The following CLVS1 variants were observed in gnomAD, a reference collection of about 807,000 sequenced individuals.
The protein encoded by CLVS1 is clavesin-1.
In CLVS1, 10 loss-of-function variants were observed where a neutral mutation model predicts 33.1. The ratio of observed to expected loss-of-function variants is 0.30; its 90% CI spans 0.19 to 0.51. The LOEUF is 0.51. Ranked by LOEUF, CLVS1 falls within the 20% of genes least tolerant of loss-of-function variation. The pLI is 0.97. For missense variants in CLVS1, 343 were observed against 433.4 expected, an observed-to-expected ratio of 0.79 and a Z score of 1.85; for synonymous variants, 163 against 166.1, an observed-to-expected ratio of 0.98 and a Z score of 0.14.
At chr8:61,208,688 A>G (rs982814584) in intron 2 of CLVS1, among the ~76,000 whole-genome samples, 11 of 152,094 alleles carry the variant, frequency 7.2e-5, no homozygotes, top group Admixed American at 7.2e-4. Flanking sequence ...TCCAGGTTCA[A>G]GTGATTCTAC....
intron 3 of CLVS1, among the ~76,000 whole-genome samples, chr8:61,392,080 A>C (rs1400621466): frequency 1.3e-5 from 2 of 152,190 alleles, no homozygotes; most frequent in Non-Finnish European, 2.9e-5. Context: ...ATACATAGGG[A>C]AAATAATCAA....
intron 2 of CLVS1, among the ~76,000 whole-genome samples, chr8:61,246,557 T>C (rs1026794415): frequency 1.3e-5 from 2 of 152,172 alleles, no homozygotes; most frequent in Admixed American, 1.3e-4. Context: ...GCATACTCAA[T>C]AATTACTTAG....
chr8:60,989,012 G>A, the CLVS1 span, among the ~76,000 whole-genome samples: 131 of 152,202 alleles, frequency 8.6e-4, no homozygotes, highest in African/African-American at 3.0e-3. Flanking sequence ...CTACAGGTGT[G>A]GGCCACCATG....
At chr8:61,126,854 A>G (rs1805982303) in intron 1 of CLVS1, among the ~76,000 whole-genome samples, 1 of 152,200 alleles carries the variant, frequency 6.6e-6, no homozygotes, top group Admixed American at 6.5e-5. Context: ...CAAATCTTGG[A>G]TTGACATGAT....
At chr8:61,168,051 T>C (rs932511137) in intron 2 of CLVS1, among the ~76,000 whole-genome samples, 5 of 152,228 alleles carry the variant, frequency 3.3e-5, no homozygotes, top group African/African-American at 4.8e-5. Flanking sequence ...CCTTACTCTA[T>C]GGACTCACCC....
chr8:61,383,970 G>A (rs1813984650), intron 3 of CLVS1, among the ~76,000 whole-genome samples: 1 of 152,104 alleles, frequency 6.6e-6, no homozygotes, highest in African/African-American at 2.4e-5. Context: ...TAAAATATTT[G>A]GAAAAAGAGA....
intron 3 of CLVS1, among the ~76,000 whole-genome samples, chr8:61,385,811 G>T (rs576251656): frequency 6.6e-6 from 1 of 152,102 alleles, no homozygotes; most frequent in Non-Finnish European, 1.5e-5. Context: ...AGGAGTGAGG[G>T]GATTGAGGGG....
intron 1 of CLVS1, among the ~76,000 whole-genome samples, chr8:61,078,473 C>G (rs1804964610): frequency 6.6e-6 from 1 of 152,118 alleles, no homozygotes. Context: ...CTAGTTGCAG[C>G]TTACATCTAT....
chr8:61,277,513 T>A (rs991644443), intron 2 of CLVS1, among the ~76,000 whole-genome samples: 1 of 152,034 alleles, frequency 6.6e-6, no homozygotes, highest in African/African-American at 2.4e-5. Flanking sequence ...GGTCTATGGG[T>A]GAGTATAGGG....
At chr8:61,471,265 C>T (rs2129607733) in intron 5 of CLVS1, among the ~76,000 whole-genome samples, 1 of 152,308 alleles carries the variant, frequency 6.6e-6, no homozygotes, top group East Asian at 1.9e-4. Flanking sequence ...CAGAAGGCAG[C>T]AGAGTGAGAA....
intron 2 of CLVS1, among the ~76,000 whole-genome samples, chr8:61,206,033 A>C (rs1807832289): frequency 6.6e-6 from 1 of 152,212 alleles, no homozygotes; most frequent in Non-Finnish European, 1.5e-5. Flanking sequence ...TGCTCAATAA[A>C]GTAAGTATCT....
chr8:61,362,150 C>A (rs1040267570), intron 2 of CLVS1, among the ~76,000 whole-genome samples: 2 of 152,154 alleles, frequency 1.3e-5, no homozygotes, highest in African/African-American at 4.8e-5. Context: ...GAAAAGGGCT[C>A]AGAGTTTGGT....
chr8:61,486,925 A>G (rs1803906999), intron 5 of CLVS1, among the ~76,000 whole-genome samples: 2 of 152,208 alleles, frequency 1.3e-5, no homozygotes, highest in Non-Finnish European at 2.9e-5. Flanking sequence ...GCCTGGTGCT[A>G]ATAAGGGATT....
intron 2 of CLVS1, among the ~76,000 whole-genome samples, chr8:61,246,757 T>G (rs1808818911): frequency 6.6e-6 from 1 of 152,196 alleles, no homozygotes; most frequent in South Asian, 2.1e-4. Context: ...CTCCCATTTT[T>G]GACTGCATAC....
intron 2 of CLVS1, among the ~76,000 whole-genome samples, chr8:61,261,519 C>T (rs1004843859): frequency 2.0e-5 from 3 of 152,088 alleles, no homozygotes; most frequent in Non-Finnish European, 4.4e-5. Flanking sequence ...ATGTTTTTGT[C>T]GCCCCACCCC....
At chr8:61,451,707 G>A (rs1816963091) in intron 3 of CLVS1, among the ~76,000 whole-genome samples, 1 of 152,010 alleles carries the variant, frequency 6.6e-6, no homozygotes, top group Non-Finnish European at 1.5e-5. Flanking sequence ...TGGCGGATGT[G>A]ATCAGGCAAG....
chr8:61,092,909 G>A (rs188247504), intron 1 of CLVS1, among the ~76,000 whole-genome samples: 3 of 152,252 alleles, frequency 2.0e-5, no homozygotes, highest in African/African-American at 7.2e-5. Flanking sequence ...ACTGGGATTG[G>A]AAACTGGGCC....
intron 2 of CLVS1, among the ~76,000 whole-genome samples, chr8:61,207,244 T>G (rs534142399): frequency 1.6e-5 from 2 of 128,886 alleles, no homozygotes; most frequent in Admixed American, 1.6e-4. Flanking sequence ...TGCATGGGCT[T>G]AAGTGAAGTT....
intron 5 of CLVS1, 76 bp from the exon 6 acceptor site, chr8:61,499,379 C>T (rs373015221): frequency 1.0e-5 from 10 of 953,568 alleles, no homozygotes; most frequent in Middle Eastern, 2.2e-4. Context: ...ATATAAAATC[C>T]GGATGTCTTC....
Sources: allele counts gnomAD v4.1 joint callset (sites outside exome capture counted in the v4.1 genomes callset), GRCh38; gene constraint gnomAD v4.1.1; transcripts MANE v1.5; gene names NCBI Gene and HGNC (gene_info 2026-07-23, HGNC 2026-07-21).